Variants in FAM118A observed in about 807,000 individuals in gnomAD.
FAM118A encodes the protein SIR2 antiphage like 2.
A neutral mutation model predicts 38.2 loss-of-function variants in FAM118A; 25 were observed. The ratio of observed to expected loss-of-function variants is 0.65; its 90% CI spans 0.48 to 0.91. FAM118A has a LOEUF of 0.91. Among genes scored for constraint, FAM118A ranks in the 40% least tolerant of loss-of-function variants. The probability of loss-of-function intolerance (pLI) is 0.00; values close to 1 mark genes in which losing one functional copy is unlikely to be tolerated. For missense variants in FAM118A, 425 were observed against 463.3 expected, an observed-to-expected ratio of 0.92 and a Z score of 0.76; for synonymous variants, 178 against 184.1, an observed-to-expected ratio of 0.97 and a Z score of 0.27.
Position 45,322,437 on chromosome 22 carries a change from G to C in FAM118A, c.47+11G>C. On this transcript the variant is annotated intron_variant, in intron 2 of 8. Transcript: ENST00000441876. ...TGAACAAAAATCCAGGTAATTAAAG[G>C]CAACTATACCTTCAAGCAGCTTCAT... 2 of 1,606,826 alleles carry C rather than the reference G, an allele frequency of 1.2e-6. No homozygotes were observed. Among genetic ancestry groups the C allele is most frequent in the Non-Finnish European group, 8.5e-7 (1 of 1,177,040 alleles).
intron 4 of FAM118A, chr22:45,329,591 A>ACAAAG (rs1285453404): frequency 1.3e-5 from 2 of 152,274 alleles, no homozygotes; most frequent in Non-Finnish European, 1.5e-5. Context: ...CTTGTGAGGT[A>ACAAAG]AGGCCCTGGC....
At chr22:45,336,297 A>C in intron 7 of FAM118A, 31 bp from the exon 8 acceptor site, 1 of 1,580,402 alleles carries the variant, frequency 6.3e-7, no homozygotes, top group Non-Finnish European at 8.7e-7. Flanking sequence ...TTCTGAATAA[A>C]CAAGCTTCTT....
upstream of FAM118A, chr22:45,309,808 G>C (rs1356184850): frequency 1.3e-5 from 2 of 152,274 alleles, no homozygotes; most frequent in South Asian, 3.8e-4. Flanking sequence ...ATCTGGCGGC[G>C]GGGCGGGGCG....
intron 1 of FAM118A, chr22:45,322,107 C>T (rs748017057): frequency 8.1e-7 from 1 of 1,228,502 alleles, no homozygotes; most frequent in South Asian, 1.4e-5. Flanking sequence ...TTCATCTGCT[C>T]CTGTGTGTGC....
intron 7 of FAM118A, among the ~76,000 whole-genome samples, chr22:45,335,856 C>T (rs1231056100): frequency 2.6e-5 from 4 of 152,234 alleles, no homozygotes; most frequent in African/African-American, 4.8e-5. Flanking sequence ...TAATGAGACT[C>T]GGTGGCCATG....
chr22:45,321,224 C>G (rs562631754), intron 1 of FAM118A, among the ~76,000 whole-genome samples: 10 of 152,182 alleles, frequency 6.6e-5, no homozygotes, highest in Admixed American at 3.3e-4. Flanking sequence ...TCAAGTGATT[C>G]TCCTGCCTCA....
intron 8 of FAM118A, among the ~76,000 whole-genome samples, chr22:45,338,661 A>C (rs1271940979): frequency 6.6e-6 from 1 of 152,234 alleles, no homozygotes; most frequent in Non-Finnish European, 1.5e-5. Context: ...ATTTTCATAT[A>C]ATAGGAGTTT....
At chr22:45,335,435 G>T (rs921390199) in intron 7 of FAM118A, 53 bp downstream of exon 7, 2 of 1,592,184 alleles carry the variant, frequency 1.3e-6, no homozygotes, top group African/African-American at 2.7e-5. Flanking sequence ...ACATTCCATT[G>T]TCTTCTGTCA....
chr22:45,312,309 TCA>T (rs2084405721), intron 1 of FAM118A, among the ~76,000 whole-genome samples: 3 of 152,144 alleles, frequency 2.0e-5, no homozygotes, highest in Admixed American at 2.0e-4. Context: ...CGGACACCAG[TCA>T]CAAGCCTGAG....
At chr22:45,339,071 A>AG (rs752384823) in intron 8 of FAM118A, among the ~76,000 whole-genome samples, 7 of 152,200 alleles carry the variant, frequency 4.6e-5, no homozygotes, top group Non-Finnish European at 7.3e-5. Flanking sequence ...GAGAGCTGTG[A>AG]GGGGCAGCTG....
chr22:45,335,401 C>T lies in FAM118A; in HGVS notation c.970+19C>T. On this transcript the variant is annotated intron_variant, in intron 7 of 8. Coordinates refer to ENST00000441876, the MANE Select transcript of FAM118A (RefSeq NM_017911.4). ...TTATTGGGTAAAGCAGATCTTTCTT[C>T]TTGCCAGCCTGTTTTTTGCCTACAC... 1 of 1,614,118 alleles carries T rather than the reference C, an allele frequency of 6.2e-7. No individual in the cohort carries two copies. The highest frequency in any genetic ancestry group is 8.5e-7 in the Non-Finnish European group (1 of 1,179,950).
intron 6 of FAM118A, among the ~76,000 whole-genome samples, chr22:45,333,396 C>A (rs530097769): frequency 6.6e-6 from 1 of 151,740 alleles, no homozygotes; most frequent in African/African-American, 2.4e-5. Flanking sequence ...GGGTTTGGAG[C>A]GGGCGCGATA....
Position 45,330,668 on chromosome 22 carries a change from C to A in FAM118A, c.588C>A (p.Asp196Glu), listed in dbSNP as rs1253696884. 6.2e-7 allele frequency: 1 copy of A among 1,604,978 alleles called. No individual in the cohort carries two copies. Among genetic ancestry groups the A allele is most frequent in the East Asian group, 2.3e-5 (1 of 44,322 alleles). The part of the protein sequence containing the change: ...GVLHIHGLYT[D>E]PCGVVLDPSG... The stretch of plus-strand genomic sequence containing the variant: ...TCCACATTCACGGCCTCTACACGGA[C>A]CCCTGCGGGGTGGTGCTGGACCCAT... The change falls in exon 5 of 9, where the codon GAC becomes GAA. Residue 196 changes from aspartate (D) to glutamate (E), a missense_variant. Asp to Glu is a conservative substitution (Grantham distance 45). Transcript: ENST00000441876.
In FAM118A at chr22:45,335,318, G is replaced by A. The variant is rs115288556; in HGVS notation, c.938-32G>A. 2.1e-3 allele frequency: 3,330 copies of A among 1,613,982 alleles called. 46 individuals carry two copies. The African/African-American group carries it at 0.036, about 17-fold the overall frequency. On this transcript the variant is annotated intron_variant, in intron 6 of 8. Coordinates refer to ENST00000441876, the MANE Select transcript of FAM118A (RefSeq NM_017911.4). ...GAGGAGGACGAGCTCTTGGTGTCTC[G>A]GCTCCACTGACTGCTTTTCTTTCTC...
At chr22:45,315,486 C>T (rs61153744) in intron 1 of FAM118A, among the ~76,000 whole-genome samples, 3 of 152,228 alleles carry the variant, frequency 2.0e-5, no homozygotes, top group African/African-American at 4.8e-5. Flanking sequence ...TAGCGTGAGG[C>T]GGTTGAGAGT....
At chr22:45,320,078 T>A (rs1464457441) in intron 1 of FAM118A, among the ~76,000 whole-genome samples, 1 of 152,244 alleles carries the variant, frequency 6.6e-6, no homozygotes, top group East Asian at 1.9e-4. Flanking sequence ...ATGGACTGAT[T>A]AAGCCTTGTT....
chr22:45,314,977 G>A (rs1158778227), intron 1 of FAM118A, among the ~76,000 whole-genome samples: 5 of 152,224 alleles, frequency 3.3e-5, no homozygotes, highest in African/African-American at 9.6e-5. Context: ...GCCAGGCTGT[G>A]GGTCATAGGA....
intron 6 of FAM118A, 64 bp from the exon 7 acceptor site, chr22:45,335,286 G>T: frequency 6.3e-7 from 1 of 1,588,730 alleles, no homozygotes; most frequent in Non-Finnish European, 8.6e-7. Context: ...ACTGCCTCAG[G>T]GTGGCCGAGG....
At chr22:45,335,593 C>T (rs567221504) in intron 7 of FAM118A, among the ~76,000 whole-genome samples, 110 of 152,314 alleles carry the variant, frequency 7.2e-4, no homozygotes, top group Middle Eastern at 3.4e-3. Context: ...CGAGGAAGCA[C>T]AGCCGAATCA....
Sources: gnomAD v4.1 joint callset for allele counts (sites outside exome capture counted in the v4.1 genomes callset) on GRCh38, gnomAD v4.1.1 for gene constraint, MANE v1.5 for transcripts, NCBI Gene and HGNC (gene_info 2026-07-23, HGNC 2026-07-21) for gene names.